SENP3: variants seen among roughly 807,000 people sequenced by gnomAD.
The protein encoded by SENP3 is SUMO specific peptidase 3, also known as sentrin-specific protease 3.
A neutral mutation model predicts 66.2 loss-of-function variants in SENP3; 11 were observed. That is an observed-to-expected ratio of 0.17 (90% CI 0.10 to 0.28). SENP3 has a LOEUF of 0.28. Ranked by LOEUF, SENP3 falls within the 10% of genes least tolerant of loss-of-function variation. The probability of loss-of-function intolerance (pLI) is 1.00; values close to 1 mark genes in which losing one functional copy is unlikely to be tolerated. For synonymous variants in SENP3, 292 were observed against 277.6 expected (o/e 1.05, Z -0.52); for missense variants, 548 against 743.7 (o/e 0.74, Z 3.06).
In SENP3 at chr17:7,563,304, AGAG is replaced by A. The variant is rs1302122734; in HGVS notation, c.234_236del (p.Glu85del). 3 of 1,552,908 alleles carry A rather than the reference AGAG, an allele frequency of 1.9e-6. No individual in the cohort carries two copies. The highest frequency in any genetic ancestry group is 2.6e-6 in the Non-Finnish European group (3 of 1,147,636). ...CCTCTTTTGATGCCTCAGCAAGTGA[AGAG>A]GAGGAAGAAGAGGAGGAGGAGGAGG... On this transcript the variant is annotated inframe_deletion, in exon 2 of 11. Transcript: ENST00000321337.
At chr17:7,564,130 G>A (rs551973799) in intron 2 of SENP3, among the ~76,000 whole-genome samples, 1 of 152,136 alleles carries the variant, frequency 6.6e-6, no homozygotes, top group Non-Finnish European at 1.5e-5. Flanking sequence ...AAGAACCCCC[G>A]TGTATACATC....
intron 2 of SENP3, chr17:7,564,389 T>C (rs764258130): frequency 1.4e-6 from 1 of 692,330 alleles, no homozygotes; most frequent in East Asian, 2.8e-5. Context: ...CTAATCCTTT[T>C]TCTTTCTTCC....
rs1454717684 is a variant in SENP3, at chr17:7,562,298, C to T, written c.-12+35C>T. On this transcript the variant is annotated intron_variant, in intron 1 of 10. Transcript: ENST00000321337. The surrounding 1 kb of genome is among the most constrained non-coding windows in gnomAD (Gnocchi z 5.0). ...CCCCCTCCCCTCCCCCCAGCCCTGC[C>T]TTGGCCTCTCCCATTCCTGGGCCTC... The T allele has an allele frequency of 2.5e-6, 1 of 397,888 alleles. No homozygotes were observed. Among genetic ancestry groups the T allele is most frequent in the Non-Finnish European group, 4.4e-6 (1 of 225,594 alleles). 24.6% of individuals were successfully genotyped at this position (397,888 alleles called of 1,614,324 possible). A position where few individuals can be genotyped will look rare whatever the true frequency, so the allele number is the denominator to read the frequency against.
chr17:7,565,342 A>G, intron 4 of SENP3, 98 bp from the exon 5 acceptor site: 1 of 1,435,822 alleles, frequency 7.0e-7, no homozygotes, highest in East Asian at 2.5e-5. Flanking sequence ...GCCAGAAAAA[A>G]GGGAGTCAGT....
At chr17:7,564,512 T>G (rs1465051054) in intron 2 of SENP3, 113 bp from the exon 3 acceptor site, 6 of 1,452,022 alleles carry the variant, frequency 4.1e-6, no homozygotes, top group Non-Finnish European at 3.8e-6. Flanking sequence ...TGGATTCTGC[T>G]TCAGTGTATC....
Position 7,570,352 on chromosome 17 carries a change from T to G in SENP3, c.1342-4T>G, listed in dbSNP as rs747825878. 6.2e-7 allele frequency: 1 copy of G among 1,612,786 alleles called. No individual in the cohort carries two copies. The highest frequency in any genetic ancestry group is 1.1e-5 in the South Asian group (1 of 91,052). ...GTACCTGACCTGTGGCACTATCTCT[T>G]TAGGTGGACATCTTCAATAAGGAGC... On this transcript the variant is annotated splice_region_variant and splice_polypyrimidine_tract_variant and intron_variant, in intron 7 of 10. Coordinates refer to ENST00000321337, the MANE Select transcript of SENP3 (RefSeq NM_015670.6). This position sits in a 1 kb window ranked among gnomAD's most constrained non-coding sequence, Gnocchi z 5.4.
Position 7,570,469 on chromosome 17 carries a change from T to A in SENP3, c.1455T>A (p.Arg485=). The stretch of plus-strand genomic sequence containing the variant: ...CCATCACCTATTTTGACTCGCAGCG[T>A]ACCCTAAACCGCCGCTGCCCTAAGG... ...RRTITYFDSQ[R]TLNRRCPKHI... Residue 485 remains arginine (R), a synonymous_variant, in exon 8 of 11, where the codon CGT becomes CGA. Coordinates refer to ENST00000321337, the MANE Select transcript of SENP3 (RefSeq NM_015670.6). This position sits in a 1 kb window ranked among gnomAD's most constrained non-coding sequence, Gnocchi z 5.4. 1 of 1,612,970 alleles carries A rather than the reference T, an allele frequency of 6.2e-7. No homozygotes were observed. The highest frequency in any genetic ancestry group is 1.1e-5 in the South Asian group (1 of 91,072).
intron 7 of SENP3, among the ~76,000 whole-genome samples, chr17:7,568,482 G>A (rs984454308): frequency 6.6e-6 from 1 of 152,164 alleles, no homozygotes. Context: ...TGTAGTCCCC[G>A]GGAGGCTGAG....
intron 7 of SENP3, among the ~76,000 whole-genome samples, chr17:7,568,693 TC>T (rs2071287602): frequency 6.6e-6 from 1 of 152,184 alleles, no homozygotes; most frequent in Admixed American, 6.5e-5. Context: ...CCGGTACCTT[TC>T]CCTGTGCATC....
At position 7,570,533 on chromosome 17, in the gene SENP3, G is replaced by A. The variant is rs372855565; in HGVS notation, c.1479+40G>A. On this transcript the variant is annotated intron_variant, in intron 8 of 10. Transcript: ENST00000321337. The surrounding 1 kb of genome is among the most constrained non-coding windows in gnomAD (Gnocchi z 5.4). ...GAGAGAGATGGGCAAAATGTGGGGC[G>A]GTGCAGTGGCAAGGCATTGCAGGAA... The A allele has an allele frequency of 1.0e-4, 161 of 1,596,988 alleles. No homozygotes were observed. The highest frequency in any genetic ancestry group is 2.0e-4 in the East Asian group (9 of 44,314).
Position 7,563,406 on chromosome 17 carries a change from G to GGGGGGCCCCC in SENP3, c.330_331insGGGGGCCCCC (p.Pro111GlyfsTer80). ...GGAGTCAGCTGGGAACCTCCCAGCG[G>GGGGGGCCCCC]CCCCGCCCTTCCCGCCCCACTCATC... On this transcript the variant is annotated frameshift_variant, in exon 2 of 11. Coordinates refer to ENST00000321337, the MANE Select transcript of SENP3 (RefSeq NM_015670.6). LOFTEE classifies it high-confidence loss of function. 1 of 1,547,588 alleles carries GGGGGGCCCCC rather than the reference G, an allele frequency of 6.5e-7. No homozygotes were observed. The highest frequency in any genetic ancestry group is 8.7e-7 in the Non-Finnish European group (1 of 1,144,084).
intron 7 of SENP3, among the ~76,000 whole-genome samples, chr17:7,569,126 C>G (rs1303002658): frequency 6.6e-6 from 1 of 152,168 alleles, no homozygotes; most frequent in Non-Finnish European, 1.5e-5. Flanking sequence ...TGGCTCACGC[C>G]TGTAATCCCA....
Position 7,565,329 on chromosome 17 carries a change from T to C in SENP3, c.1068-111T>C. 2.2e-6 allele frequency: 3 copies of C among 1,339,898 alleles called. 1 individual carries two copies. The Admixed American group carries it at 6.1e-5, about 27-fold the overall frequency. The allele number at this position is 1,339,898 out of a possible 1,614,324, so 83.0% of individuals were successfully genotyped here. ...CGCAGGTCCTCAGAAGGACCCATCA[T>C]GAGCCAGAAAAAAGGGAGTCAGTTA... is the stretch of plus-strand genomic sequence containing the variant. On this transcript the variant is annotated intron_variant, in intron 4 of 10. Transcript: ENST00000321337.
At chr17:7,567,083 C>T (rs1000879861) in intron 7 of SENP3, 79 bp downstream of exon 7, 5 of 937,756 alleles carry the variant, frequency 5.3e-6, no homozygotes, top group African/African-American at 4.9e-5. Flanking sequence ...GAGCCCTTTC[C>T]CTGACCGTGT....
Position 7,570,617 on chromosome 17 carries a change from A to G in SENP3, c.1480-64A>G, listed in dbSNP as rs1597842636. The G allele has an allele frequency of 1.1e-5, 17 of 1,579,542 alleles. No individual in the cohort carries two copies. The highest frequency in any genetic ancestry group is 1.4e-5 in the Non-Finnish European group (16 of 1,160,112). On this transcript the variant is annotated intron_variant, in intron 8 of 10. Transcript: ENST00000321337. This position sits in a 1 kb window ranked among gnomAD's most constrained non-coding sequence, Gnocchi z 5.4. ...TGGGCATGGTGTCTGCCAGCACTGT[A>G]CCCACCATACTGTGTTCAATTGAGA...
Position 7,570,255 on chromosome 17 carries a change from A to G in SENP3, c.1342-101A>G. The G allele has an allele frequency of 7.0e-7, 1 of 1,425,954 alleles. No homozygotes were observed. The highest frequency in any genetic ancestry group is 1.3e-5 in the South Asian group (1 of 76,146). The allele number at this position is 1,425,954 out of a possible 1,614,324, so 88.3% of individuals were successfully genotyped here. A position where few individuals can be genotyped will look rare whatever the true frequency, so the allele number is the denominator to read the frequency against. The stretch of plus-strand genomic sequence containing the variant: ...TAGGCCTTGGGTCTTCTGTTCTTTC[A>G]CTTGGTTCCCTTACCTGTGTCTCTG... On this transcript the variant is annotated intron_variant, in intron 7 of 10. Coordinates refer to ENST00000321337, the MANE Select transcript of SENP3 (RefSeq NM_015670.6). The surrounding 1 kb of genome is among the most constrained non-coding windows in gnomAD (Gnocchi z 5.4).
rs1163690216 is a variant in SENP3, at chr17:7,563,431, C to G, written c.355C>G (p.Arg119Gly). 7 of 1,375,678 alleles carry G rather than the reference C, an allele frequency of 5.1e-6. No individual in the cohort carries two copies. The highest frequency in any genetic ancestry group is 6.9e-6 in the Non-Finnish European group (7 of 1,018,172). The allele number at this position is 1,375,678 out of a possible 1,614,324, so 85.2% of individuals were successfully genotyped here. The stretch of plus-strand genomic sequence containing the variant: ...GCCCCGCCCTTCCCGCCCCACTCAT[C>G]GAAAAACCTGCTCACAGCGCCGCCG... ...QRPRPSRPTH[R>G]KTCSQRRRRA... The change falls in exon 2 of 11, where the codon CGA becomes GGA. Residue 119 changes from arginine to glycine, a missense_variant. This residue lies in a region of SENP3 where 164 missense variants were observed against 167.9 expected (regional missense o/e 0.98). Coordinates refer to ENST00000321337, the MANE Select transcript of SENP3 (RefSeq NM_015670.6).
At chr17:7,567,314 C>T (rs912964122) in intron 7 of SENP3, among the ~76,000 whole-genome samples, 15 of 152,060 alleles carry the variant, frequency 9.9e-5, no homozygotes, top group African/African-American at 3.1e-4. Context: ...GTCAGGAGTT[C>T]GAGACTAGCC....
Position 7,564,743 on chromosome 17 carries a change from C to T in SENP3, c.834C>T (p.Asp278=). The part of the protein sequence containing the change: ...ILISNVCSIG[D]HVAQELFQGS... ...TCAGCAATGTGTGCAGCATCGGGGA[C>T]CATGTGGCCCAGGAGCTTTTTCAGG... The change falls in exon 3 of 11, where the codon GAC becomes GAT. Residue 278 remains aspartate, a synonymous_variant. Transcript: ENST00000321337. 6.2e-7 allele frequency: 1 copy of T among 1,614,042 alleles called. No individual in the cohort carries two copies. Among genetic ancestry groups the T allele is most frequent in the East Asian group, 2.2e-5 (1 of 44,884 alleles).
Sources: allele counts gnomAD v4.1 joint callset (sites outside exome capture counted in the v4.1 genomes callset), GRCh38; gene constraint gnomAD v4.1.1; regional missense constraint gnomAD v4.1.1; non-coding constraint Gnocchi (gnomAD v3.1); transcripts MANE v1.5; gene names NCBI Gene and HGNC (gene_info 2026-07-23, HGNC 2026-07-21).